The following PRKN variants were observed in gnomAD, a reference collection of about 807,000 sequenced individuals.
PRKN encodes the protein parkin RBR E3 ubiquitin protein ligase, also known as E3 ubiquitin-protein ligase parkin.
Under a neutral mutation model 59.5 loss-of-function variants are expected in PRKN, and 56 were observed. The ratio of observed to expected loss-of-function variants is 0.94; its 90% CI spans 0.76 to 1.18. The LOEUF is 1.18. PRKN is among the 50% of genes most tolerant of loss of function. The pLI is 0.00. For missense variants in PRKN, 657 were observed against 596.4 expected (o/e 1.10, Z -1.06); for synonymous variants, 250 against 222.1 (o/e 1.13, Z -1.12).
At chr6:162,498,341 T>C (rs1793168857) in intron 1 of PRKN, among the ~76,000 whole-genome samples, 1 of 150,152 alleles carries the variant, frequency 6.7e-6, no homozygotes. Flanking sequence ...TTGATGTCTA[T>C]CTAGTCTACG....
intron 1 of PRKN, among the ~76,000 whole-genome samples, chr6:162,663,408 A>T (rs77702531): frequency 7.2e-6 from 1 of 138,334 alleles, no homozygotes; most frequent in Non-Finnish European, 1.5e-5. Context: ...ACTGAACAGG[A>T]AAAAAAAAAA....
intron 1 of PRKN, among the ~76,000 whole-genome samples, chr6:162,614,719 T>C (rs534994193): frequency 6.6e-4 from 100 of 152,300 alleles, no homozygotes; most frequent in Middle Eastern, 6.8e-3. Context: ...CAAAAACAAC[T>C]TATCTATTTT....
intron 1 of PRKN, among the ~76,000 whole-genome samples, chr6:162,663,421 G>T (rs1318439317): frequency 6.6e-6 from 1 of 151,072 alleles, no homozygotes; most frequent in Non-Finnish European, 1.5e-5. Context: ...AAAAAAAAAA[G>T]GAAATTTCCC....
At position 162,037,164 on chromosome 6, in the gene PRKN, A is replaced by G. The variant is rs530170846; in HGVS notation, c.618+16927T>C. Among the ~76,000 whole-genome samples the G allele has an allele frequency of 5.9e-5, 9 of 152,302 alleles. No individual in the cohort carries two copies. The South Asian group carries it at 1.7e-3, about 28-fold the overall frequency. On this transcript the variant is annotated intron_variant, in intron 5 of 11. Transcript: ENST00000366898. The stretch of plus-strand genomic sequence containing the variant: ...TTTGCAACTCTACTCCCAAAATTAT[A>G]TTTCAAAAATGTGACTAGACAAATT...
intron 3 of PRKN, among the ~76,000 whole-genome samples, chr6:162,210,262 C>G (rs1419920627): frequency 1.3e-5 from 2 of 152,004 alleles, no homozygotes; most frequent in Non-Finnish European, 2.9e-5. Flanking sequence ...CTATTATTGT[C>G]TCAGTAGACA....
intron 1 of PRKN, among the ~76,000 whole-genome samples, chr6:162,541,069 G>A (rs1419369107): frequency 2.0e-5 from 3 of 152,130 alleles, no homozygotes; most frequent in African/African-American, 4.8e-5. Context: ...CTCCCTGTAC[G>A]ATGGAGGCCT....
chr6:162,683,999 C>T (rs1241942080), intron 1 of PRKN, among the ~76,000 whole-genome samples: 1 of 152,040 alleles, frequency 6.6e-6, no homozygotes, highest in Non-Finnish European at 1.5e-5. Flanking sequence ...ATTCACCAAG[C>T]CATTATTAAT....
At chr6:162,439,092 T>A (rs10806759) in intron 2 of PRKN, among the ~76,000 whole-genome samples, 35,933 of 151,970 alleles carry the variant, frequency 0.24, 4,241 homozygotes, top group African/African-American at 0.24. Flanking sequence ...CAGTGAGTGT[T>A]TTATTTCAGA....
intron 2 of PRKN, among the ~76,000 whole-genome samples, chr6:162,418,613 A>ATGTGTGTGTGTGTGTGTGTGT (rs1788769157): frequency 7.9e-6 from 1 of 126,324 alleles, no homozygotes; most frequent in South Asian, 3.0e-4. Flanking sequence ...AGGGACAGAC[A>ATGTGTGTGTGTGTGTGTGTGT]GTGTGTGTGT....
chr6:162,131,705 A>G (rs1286677965), intron 4 of PRKN, among the ~76,000 whole-genome samples: 1 of 152,232 alleles, frequency 6.6e-6, no homozygotes, highest in African/African-American at 2.4e-5. Flanking sequence ...CCTTAGAAAC[A>G]AGCCTTAAAT....
At chr6:162,592,796 G>C (rs1781361150) in intron 1 of PRKN, among the ~76,000 whole-genome samples, 1 of 144,012 alleles carries the variant, frequency 6.9e-6, no homozygotes, top group Admixed American at 6.9e-5. Flanking sequence ...CATAGAAAAG[G>C]ATCAACATTA....
intron 4 of PRKN, among the ~76,000 whole-genome samples, chr6:162,143,844 C>T (rs1781888594): frequency 6.6e-6 from 1 of 152,128 alleles, no homozygotes; most frequent in Non-Finnish European, 1.5e-5. Context: ...CGACGGGCTG[C>T]AGCCATTCCA....
At chr6:162,706,390 G>A (rs1023981049) in intron 1 of PRKN, among the ~76,000 whole-genome samples, 1 of 152,192 alleles carries the variant, frequency 6.6e-6, no homozygotes, top group Non-Finnish European at 1.5e-5. Flanking sequence ...CTTTCAACAA[G>A]ATAATTCTGG....
intron 10 of PRKN, among the ~76,000 whole-genome samples, chr6:161,364,717 C>T (rs538960447): frequency 3.3e-5 from 5 of 151,574 alleles, no homozygotes; most frequent in Non-Finnish European, 7.4e-5. Context: ...GAGGCCAAGG[C>T]GGGTGGATCA....
chr6:161,624,208 G>A (rs1562566072), intron 7 of PRKN, among the ~76,000 whole-genome samples: 1 of 152,128 alleles, frequency 6.6e-6, no homozygotes, highest in Non-Finnish European at 1.5e-5. Flanking sequence ...ATTTACTTTG[G>A]GGACACCAGC....
At chr6:161,916,738 T>C (rs1372159937) in intron 6 of PRKN, among the ~76,000 whole-genome samples, 3 of 152,230 alleles carry the variant, frequency 2.0e-5, no homozygotes, top group Non-Finnish European at 4.4e-5. Flanking sequence ...TTACTCTGCA[T>C]TGCAAATTAC....
intron 9 of PRKN, among the ~76,000 whole-genome samples, chr6:161,398,342 G>A (rs899341338): frequency 1.3e-5 from 2 of 152,092 alleles, no homozygotes; most frequent in Non-Finnish European, 2.9e-5. Flanking sequence ...TCACATCACA[G>A]CACTGGCTCT....
At chr6:162,697,162 T>G (rs1251166135) in intron 1 of PRKN, among the ~76,000 whole-genome samples, 1 of 152,132 alleles carries the variant, frequency 6.6e-6, no homozygotes, top group Non-Finnish European at 1.5e-5. Flanking sequence ...TAAGTAAAAT[T>G]GTTAAAGTTG....
chr6:162,081,060 A>G (rs1301388249), intron 4 of PRKN, among the ~76,000 whole-genome samples: 2 of 152,194 alleles, frequency 1.3e-5, no homozygotes, highest in Admixed American at 1.3e-4. Flanking sequence ...TTCAGCCTCC[A>G]CTTCTAATTC....
Sources: allele counts gnomAD v4.1 joint callset (sites outside exome capture counted in the v4.1 genomes callset), GRCh38; gene constraint gnomAD v4.1.1; transcripts MANE v1.5; gene names NCBI Gene and HGNC (gene_info 2026-07-23, HGNC 2026-07-21).